The following ANKRD60 variants were observed in gnomAD, a reference collection of about 807,000 sequenced individuals.
The protein encoded by ANKRD60 is ankyrin repeat domain 60, also known as ankyrin repeat domain-containing protein 60.
In ANKRD60, 24 loss-of-function variants were observed where a neutral mutation model predicts 21.3. The ratio of observed to expected loss-of-function variants is 1.13; its 90% CI spans 0.82 to 1.59. The LOEUF (loss-of-function observed/expected upper bound fraction) is 1.59, where lower values mean the gene tolerates loss of function less well. Among genes scored for constraint, ANKRD60 ranks in the 40% most tolerant of loss-of-function variants. The pLI, the probability that ANKRD60 is intolerant of heterozygous loss-of-function variation, is 0.00. For synonymous variants in ANKRD60, 182 were observed against 199.4 expected (o/e 0.91, Z 0.74); for missense variants, 490 against 466.7 (o/e 1.05, Z -0.46).
In ANKRD60 at chr20:58,221,505, T is replaced by C; in HGVS notation, c.562-2A>G. The C allele has an allele frequency of 6.4e-7, 1 of 1,551,418 alleles. No individual in the cohort carries two copies. Among genetic ancestry groups the C allele is most frequent in the South Asian group, 1.2e-5 (1 of 84,034 alleles). On this transcript the variant is annotated splice_acceptor_variant, in intron 2 of 3. Transcript: ENST00000457363. LOFTEE classifies it high-confidence loss of function. ...TTCAGTAAGCCCGAGACAAGATAGC[T>C]GGGCAAGACAAGAGGAGTTTGAGTT...
chr20:58,220,150 G>A (rs936352383), intron 3 of ANKRD60, among the ~76,000 whole-genome samples: 5 of 152,200 alleles, frequency 3.3e-5, no homozygotes, highest in African/African-American at 1.2e-4. Context: ...GTCTAATTTG[G>A]AGGCAAGTTG....
chr20:58,222,706 G>A (rs1447126000), intron 2 of ANKRD60, among the ~76,000 whole-genome samples: 1 of 152,262 alleles, frequency 6.6e-6, no homozygotes, highest in Non-Finnish European at 1.5e-5. Flanking sequence ...GCTCTGAGCT[G>A]TACGCTTCTC....
At chr20:58,222,986 T>A in intron 2 of ANKRD60, 66 bp downstream of exon 2, 3 of 1,484,704 alleles carry the variant, frequency 2.0e-6, no homozygotes, top group Non-Finnish European at 2.7e-6. Context: ...TAAAGACTAA[T>A]TTTCCCCCCA....
At chr20:58,218,178 G>A (rs1452578559), downstream of ANKRD60, among the ~76,000 whole-genome samples, 4 of 152,072 alleles carry the variant, frequency 2.6e-5, no homozygotes, top group Non-Finnish European at 5.9e-5. Flanking sequence ...TGCATTAGAC[G>A]GTCCCCAGAA....
chr20:58,225,848 C>G (rs781605482), intron 1 of ANKRD60, among the ~76,000 whole-genome samples: 2 of 152,172 alleles, frequency 1.3e-5, no homozygotes, highest in Non-Finnish European at 2.9e-5. Context: ...TGATGGAGCC[C>G]AGGGACTTTG....
intron 1 of ANKRD60, among the ~76,000 whole-genome samples, chr20:58,227,024 G>C (rs2122814635): frequency 6.6e-6 from 1 of 152,288 alleles, no homozygotes; most frequent in East Asian, 1.9e-4. Flanking sequence ...CAGGGTTTGA[G>C]GCTGAAACAT....
At chr20:58,217,608 C>T (rs1024591592), downstream of ANKRD60, among the ~76,000 whole-genome samples, 5 of 152,044 alleles carry the variant, frequency 3.3e-5, no homozygotes, top group Non-Finnish European at 2.9e-5. Context: ...ACGCCCAGCT[C>T]ACTCGTGCAC....
At position 58,218,910 on chromosome 20, in the gene ANKRD60, G is replaced by A. The variant is rs1488552465; in HGVS notation, c.728-105C>T. The A allele has an allele frequency of 6.4e-6, 7 of 1,097,860 alleles. No individual in the cohort carries two copies. In the African/African-American group the frequency reaches 9.5e-5, roughly 15 times the overall value. 68.0% of individuals were successfully genotyped at this position (1,097,860 alleles called of 1,614,324 possible). A position where few individuals can be genotyped will look rare whatever the true frequency, so the allele number is the denominator to read the frequency against. The stretch of plus-strand genomic sequence containing the variant: ...CTCCTCAGGGAGGTCCTGCTGCCTG[G>A]CCCAGCTCCAGTACTGCCCTGCCCC... On this transcript the variant is annotated intron_variant, in intron 3 of 3. Coordinates refer to ENST00000457363, the Ensembl canonical transcript of ANKRD60.
chr20:58,227,222 G>A (rs35498962), intron 1 of ANKRD60, among the ~76,000 whole-genome samples: 27,360 of 152,164 alleles, frequency 0.18, 3,233 homozygotes, highest in Non-Finnish European at 0.26. Flanking sequence ...ACTGGACAGA[G>A]TTTGTTTCAG....
chr20:58,223,165 TGTC>T (rs1180781427), exon 2 of ANKRD60: 5 of 1,546,718 alleles, frequency 3.2e-6, no homozygotes, highest in Non-Finnish European at 4.4e-6. Flanking sequence ...TTCAGGGTAG[TGTC>T]ATCCATCAAA....
In ANKRD60 at chr20:58,228,229, T is replaced by A. The variant is rs1372876362; in HGVS notation, c.425A>T (p.Asp142Val). 24 of 1,547,330 alleles carry A rather than the reference T, an allele frequency of 1.6e-5. No homozygotes were observed. The highest frequency in any genetic ancestry group is 2.1e-5 in the Non-Finnish European group (24 of 1,144,334). The change falls in exon 1 of 4, where the codon GAC becomes GTC. Residue 142 changes from aspartate to valine, a missense_variant. Coordinates refer to ENST00000457363, the Ensembl canonical transcript of ANKRD60. This position sits in a 1 kb window ranked among gnomAD's most constrained non-coding sequence, Gnocchi z 5.3. The stretch of plus-strand genomic sequence containing the variant: ...GGAGTCAGGGCAGGAGCCACCTTCG[T>A]CGAGGTACTGGAGCCGCTGGAGGTT...
chr20:58,221,614 T>C, intron 2 of ANKRD60, 111 bp from the exon 3 acceptor site: 1 of 1,234,746 alleles, frequency 8.1e-7, no homozygotes, highest in Non-Finnish European at 1.1e-6. Context: ...AAATTAAGGC[T>C]CATGATGGGA....
intron 1 of ANKRD60, among the ~76,000 whole-genome samples, chr20:58,227,528 A>T (rs1984389778): frequency 6.7e-6 from 1 of 150,288 alleles, no homozygotes; most frequent in Non-Finnish European, 1.5e-5. Context: ...CCTGGGGGGG[A>T]TGTGGTAGCT....
intron 1 of ANKRD60, among the ~76,000 whole-genome samples, chr20:58,227,521 G>T (rs1193055106): frequency 1.3e-5 from 2 of 151,838 alleles, no homozygotes; most frequent in African/African-American, 2.4e-5. Context: ...CTGGCATCCT[G>T]GGGGGGATGT....
intron 3 of ANKRD60, among the ~76,000 whole-genome samples, chr20:58,219,398 T>C (rs574732289): frequency 6.6e-6 from 1 of 152,178 alleles, no homozygotes; most frequent in Non-Finnish European, 1.5e-5. Flanking sequence ...TGACTTCCCC[T>C]CATAAACTCC....
intron 2 of ANKRD60, among the ~76,000 whole-genome samples, chr20:58,221,704 A>G (rs964596226): frequency 1.2e-4 from 19 of 152,150 alleles, no homozygotes; most frequent in African/African-American, 4.6e-4. Context: ...TGCTTTATAT[A>G]TGTTCAGGAA....
At position 58,228,138 on chromosome 20, in the gene ANKRD60, A is replaced by C; in HGVS notation, c.430+86T>G. On this transcript the variant is annotated intron_variant, in intron 1 of 3. Transcript: ENST00000457363. This position sits in a 1 kb window ranked among gnomAD's most constrained non-coding sequence, Gnocchi z 5.3. ...CTTTGACATCTGGGGTTTCTCACGT[A>C]AGCAGGCTTCCCTTTGGGAATCCAC... 2 of 1,329,280 alleles carry C rather than the reference A, an allele frequency of 1.5e-6. No individual in the cohort carries two copies. Among genetic ancestry groups the C allele is most frequent in the South Asian group, 1.5e-5 (1 of 66,652 alleles). 82.3% of individuals were successfully genotyped at this position (1,329,280 alleles called of 1,614,324 possible).
intron 3 of ANKRD60, among the ~76,000 whole-genome samples, chr20:58,220,949 C>T (rs781234359): frequency 4.6e-5 from 7 of 152,064 alleles, no homozygotes; most frequent in South Asian, 4.1e-4. Context: ...TAGACCATTT[C>T]GGACCATTGC....
exon 4 of ANKRD60, chr20:58,218,732 G>C: frequency 6.4e-7 from 1 of 1,551,638 alleles, no homozygotes; most frequent in Non-Finnish European, 8.7e-7. Context: ...GGATTATACA[G>C]TCTGACCGGC....
Sources: allele counts gnomAD v4.1 joint callset (sites outside exome capture counted in the v4.1 genomes callset), GRCh38; gene constraint gnomAD v4.1.1; non-coding constraint Gnocchi (gnomAD v3.1); transcripts MANE v1.5; gene names NCBI Gene and HGNC (gene_info 2026-07-23, HGNC 2026-07-21).